Variants in L3MBTL4 observed in about 807,000 individuals in gnomAD.
The protein encoded by L3MBTL4 is L3MBTL histone methyl-lysine binding protein 4.
L3MBTL4 carries 70 observed loss-of-function variants against 84.5 expected under a neutral mutation model. The observed-to-expected ratio is 0.83, with a 90% CI of 0.68 to 1.01. L3MBTL4 has a LOEUF of 1.01. L3MBTL4 is among the 50% of genes least tolerant of loss of function. The pLI is 0.00. For missense variants in L3MBTL4, 715 were observed against 754.8 expected (o/e 0.95, Z 0.62); for synonymous variants, 274 against 259.8 (o/e 1.05, Z -0.52).
intron 16 of L3MBTL4, among the ~76,000 whole-genome samples, chr18:5,979,031 C>T (rs2053089820): frequency 6.6e-6 from 1 of 152,122 alleles, no homozygotes; most frequent in South Asian, 2.1e-4. Flanking sequence ...GCACCTGGTA[C>T]ACAGAGGTGC....
chr18:6,239,746 C>T lies in L3MBTL4; in HGVS notation c.679G>A (p.Asp227Asn), dbSNP rs1241340509. 2 of 1,614,040 alleles carry T rather than the reference C, an allele frequency of 1.2e-6. No homozygotes were observed. The highest frequency in any genetic ancestry group is 1.7e-6 in the Non-Finnish European group (2 of 1,180,012). ...IVEDRLLVHF[D>N]NWDDSYDYWC... ...TAATCGTAACTATCATCCCAGTTGT[C>T]AAAATGCACTAGTAAGCGATCTTCA... The change falls in exon 9 of 19, where the codon GAC becomes AAC. Residue 227 changes from aspartate to asparagine, a missense_variant. Asp to Asn is a conservative substitution (Grantham distance 23). Transcript: ENST00000317931.
chr18:6,408,360 T>C (rs548149493), intron 1 of L3MBTL4, among the ~76,000 whole-genome samples: 2 of 152,344 alleles, frequency 1.3e-5, no homozygotes, highest in East Asian at 1.9e-4. Context: ...GCTAATTATA[T>C]AGCTGACCCC....
At chr18:5,966,312 T>TA (rs926583385) in intron 17 of L3MBTL4, among the ~76,000 whole-genome samples, 1 of 152,186 alleles carries the variant, frequency 6.6e-6, no homozygotes, top group Admixed American at 6.5e-5. Flanking sequence ...CCTTATCCAT[T>TA]AAAAATGCAT....
rs771272180 is a variant in L3MBTL4 at position 6,213,276 on chromosome 18, A to G, written c.871-17T>C. The stretch of plus-strand genomic sequence containing the variant: ...AGGCAACCTCTGTAAATGTTATTAT[A>G]AGTACAACAAATCATGCAAAATTCA... On this transcript the variant is annotated splice_polypyrimidine_tract_variant and intron_variant, in intron 11 of 18. Transcript: ENST00000317931. The G allele has an allele frequency of 7.1e-7, 1 of 1,417,406 alleles. No homozygotes were observed. Among genetic ancestry groups the G allele is most frequent in the South Asian group, 1.2e-5 (1 of 80,638 alleles). 87.8% of individuals were successfully genotyped at this position (1,417,406 alleles called of 1,614,324 possible).
At chr18:6,374,594 C>T in intron 1 of L3MBTL4, among the ~76,000 whole-genome samples, 1 of 152,114 alleles carries the variant, frequency 6.6e-6, no homozygotes, top group East Asian at 1.9e-4. Context: ...AGTCAAAATT[C>T]CAAAGGGCTT....
At chr18:6,108,816 A>G (rs1290948499) in intron 14 of L3MBTL4, among the ~76,000 whole-genome samples, 1 of 152,178 alleles carries the variant, frequency 6.6e-6, no homozygotes, top group Non-Finnish European at 1.5e-5. Context: ...AAATAACACA[A>G]AAAAACAAAT....
intron 1 of L3MBTL4, among the ~76,000 whole-genome samples, chr18:6,383,667 G>T (rs1033456477): frequency 1.2e-4 from 19 of 152,190 alleles, no homozygotes; most frequent in South Asian, 4.1e-4. Context: ...CCAATGAGAT[G>T]AACTGGGTAC....
intron 1 of L3MBTL4, among the ~76,000 whole-genome samples, chr18:6,372,598 C>A (rs1264130106): frequency 6.6e-6 from 1 of 152,158 alleles, no homozygotes; most frequent in African/African-American, 2.4e-5. Flanking sequence ...GGTGAAAGCT[C>A]CTGGTCTTGC....
In L3MBTL4 at chr18:6,117,476, G is replaced by C. The variant is rs934247541; in HGVS notation, c.1199+20718C>G. On this transcript the variant is annotated intron_variant, in intron 14 of 18. Transcript: ENST00000317931. Reference sequence around the variant, plus strand: ...CGGCTCTAAGCTGCCAACAGCAACTGATTTGAGTGGATAATTCCCTCAGGC... The same window carrying C: ...CGGCTCTAAGCTGCCAACAGCAACTCATTTGAGTGGATAATTCCCTCAGGC... 2.0e-5 allele frequency among the ~76,000 whole-genome samples: 3 copies of C among 152,238 alleles called. No individual in the cohort carries two copies. The East Asian group carries it at 5.8e-4, about 29-fold the overall frequency.
At chr18:6,252,759 T>C (rs868732171) in intron 5 of L3MBTL4, among the ~76,000 whole-genome samples, 7 of 152,214 alleles carry the variant, frequency 4.6e-5, no homozygotes, top group Admixed American at 6.5e-5. Context: ...GCAAAAAATA[T>C]TCTTGCATCT....
chr18:6,109,419 C>G (rs546486155), intron 14 of L3MBTL4, among the ~76,000 whole-genome samples: 3 of 152,132 alleles, frequency 2.0e-5, no homozygotes, highest in Non-Finnish European at 4.4e-5. Flanking sequence ...ATAATCAACT[C>G]CAAGTTCCTG....
intron 13 of L3MBTL4, among the ~76,000 whole-genome samples, chr18:6,139,690 C>T (rs1206337416): frequency 2.0e-5 from 3 of 152,134 alleles, no homozygotes; most frequent in Non-Finnish European, 4.4e-5. Context: ...TCCTCCTCAT[C>T]TCAATATTCC....
intron 16 of L3MBTL4, among the ~76,000 whole-genome samples, chr18:6,071,433 A>G (rs1184291372): frequency 2.0e-5 from 3 of 151,608 alleles, no homozygotes; most frequent in Non-Finnish European, 4.4e-5. Context: ...GTCCAACTTA[A>G]CACTAATAAC....
intron 3 of L3MBTL4, among the ~76,000 whole-genome samples, chr18:6,308,033 A>G (rs1312821517): frequency 6.6e-6 from 1 of 152,204 alleles, no homozygotes; most frequent in Non-Finnish European, 1.5e-5. Context: ...TCACCCTGAA[A>G]AAAAACAGAC....
At chr18:6,159,756 C>T (rs1402177215) in intron 13 of L3MBTL4, among the ~76,000 whole-genome samples, 2 of 152,070 alleles carry the variant, frequency 1.3e-5, no homozygotes, top group African/African-American at 4.8e-5. Flanking sequence ...ATAACAAACA[C>T]TTTATATATA....
chr18:6,370,649 G>A (rs1179840614), intron 1 of L3MBTL4, among the ~76,000 whole-genome samples: 1 of 152,150 alleles, frequency 6.6e-6, no homozygotes, highest in Admixed American at 6.5e-5. Flanking sequence ...TAAGTTAAAT[G>A]TGTGTATGAT....
rs114199403 is a variant in L3MBTL4, at chr18:6,355,631, T to G, written c.-90-43575A>C. On this transcript the variant is annotated intron_variant, in intron 1 of 18. Coordinates refer to ENST00000317931, the MANE Select transcript of L3MBTL4 (RefSeq NM_001330559.2). Reference sequence around the variant, plus strand: ...TGGAAAATGGAATTGTTCTAAATAATTATCATTTGATTACATTTAAATACA... The same window carrying G: ...TGGAAAATGGAATTGTTCTAAATAAGTATCATTTGATTACATTTAAATACA... Among the ~76,000 whole-genome samples the G allele has an allele frequency of 6.6e-3, 1,004 of 152,248 alleles. 10 individuals carry two copies. The highest frequency in any genetic ancestry group is 0.023 in the African/African-American group (961 of 41,564).
chr18:6,163,259 T>TGGGGG (rs71163263), intron 13 of L3MBTL4, among the ~76,000 whole-genome samples: 4 of 57,348 alleles, frequency 7.0e-5, no homozygotes, highest in Non-Finnish European at 1.0e-4. Flanking sequence ...TGTGTGTGTG[T>TGGGGG]GGGGGGGGGG....
At chr18:6,370,032 G>A (rs1286222341) in intron 1 of L3MBTL4, among the ~76,000 whole-genome samples, 1 of 151,842 alleles carries the variant, frequency 6.6e-6, no homozygotes, top group African/African-American at 2.4e-5. Flanking sequence ...TACTTGGGAG[G>A]CTGAGGCACG....
Sources: allele counts gnomAD v4.1 joint callset (sites outside exome capture counted in the v4.1 genomes callset), GRCh38; gene constraint gnomAD v4.1.1; transcripts MANE v1.5; gene names NCBI Gene and HGNC (gene_info 2026-07-23, HGNC 2026-07-21).